The following UHRF2 variants were observed in gnomAD, a reference collection of about 807,000 sequenced individuals.
UHRF2 encodes E3 ubiquitin-protein ligase UHRF2.
A neutral mutation model predicts 96.8 loss-of-function variants in UHRF2; 23 were observed. The ratio of observed to expected loss-of-function variants is 0.24; its 90% CI spans 0.17 to 0.34. UHRF2 has a LOEUF of 0.34. UHRF2 is among the 10% of genes least tolerant of loss of function. The probability of loss-of-function intolerance (pLI) is 1.00; values close to 1 mark genes in which losing one functional copy is unlikely to be tolerated. For synonymous variants in UHRF2, 385 were observed against 332.6 expected, an observed-to-expected ratio of 1.16 and a Z score of -1.72; for missense variants, 685 against 981.5, an observed-to-expected ratio of 0.70 and a Z score of 4.04.
At chr9:6,497,007 A>G in intron 10 of UHRF2, 191 bp from the exon 11 acceptor site, 2 of 540,680 alleles carry the variant, frequency 3.7e-6, no homozygotes, top group Non-Finnish European at 6.3e-6. Flanking sequence ...CTTGGGGGTG[A>G]CATCAGAAAA....
chr9:6,465,312 C>T (rs942998755), intron 4 of UHRF2, among the ~76,000 whole-genome samples: 13 of 152,174 alleles, frequency 8.5e-5, no homozygotes, highest in Admixed American at 6.5e-5. Context: ...CAGTGTCCTT[C>T]ACGGATTTAT....
intron 4 of UHRF2, among the ~76,000 whole-genome samples, chr9:6,464,093 A>C (rs1822720452): frequency 6.6e-6 from 1 of 152,196 alleles, no homozygotes; most frequent in Admixed American, 6.5e-5. Context: ...TAGTTTTCTC[A>C]TCCATGCTTA....
chr9:6,490,379 G>C (rs993012224), intron 9 of UHRF2, among the ~76,000 whole-genome samples: 2 of 152,192 alleles, frequency 1.3e-5, no homozygotes, highest in Admixed American at 1.3e-4. Context: ...TGTAATCTCA[G>C]CACTTTCGGA....
At chr9:6,466,864 A>G (rs1000106101) in intron 4 of UHRF2, among the ~76,000 whole-genome samples, 2 of 152,182 alleles carry the variant, frequency 1.3e-5, no homozygotes, top group African/African-American at 4.8e-5. Flanking sequence ...CTCTTATTTC[A>G]GTTCTCTGCT....
At chr9:6,490,794 A>G (rs1824612208) in intron 9 of UHRF2, among the ~76,000 whole-genome samples, 1 of 152,218 alleles carries the variant, frequency 6.6e-6, no homozygotes, top group Non-Finnish European at 1.5e-5. Context: ...GAAAAATTTT[A>G]GGACTAAGAT....
intron 3 of UHRF2, among the ~76,000 whole-genome samples, chr9:6,458,828 C>T (rs573843178): frequency 1.7e-4 from 26 of 152,140 alleles, no homozygotes; most frequent in African/African-American, 5.5e-4. Context: ...AAATGCCCGT[C>T]GATGATAGAC....
chr9:6,431,852 A>G (rs1820578254), intron 2 of UHRF2, among the ~76,000 whole-genome samples: 2 of 152,158 alleles, frequency 1.3e-5, no homozygotes, highest in African/African-American at 4.8e-5. Flanking sequence ...GATATAGCTT[A>G]ATGTGTTTTT....
chr9:6,430,910 A>T (rs1820530879), intron 2 of UHRF2, among the ~76,000 whole-genome samples: 1 of 152,196 alleles, frequency 6.6e-6, no homozygotes, highest in Admixed American at 6.5e-5. Context: ...TAGTTACATC[A>T]ATAAATTAAA....
At chr9:6,463,471 A>ATT (rs774722072) in intron 4 of UHRF2, among the ~76,000 whole-genome samples, 11 of 145,014 alleles carry the variant, frequency 7.6e-5, no homozygotes, top group African/African-American at 2.0e-4. Context: ...TATGGATAGA[A>ATT]TTTTTTTTTT....
intron 4 of UHRF2, among the ~76,000 whole-genome samples, chr9:6,472,243 A>G (rs1187603864): frequency 1.3e-5 from 2 of 152,234 alleles, no homozygotes; most frequent in East Asian, 1.9e-4. Flanking sequence ...TGTGTACTCT[A>G]GCTGCTAGCA....
chr9:6,433,658 C>T (rs546774885), intron 2 of UHRF2, among the ~76,000 whole-genome samples: 7 of 152,176 alleles, frequency 4.6e-5, no homozygotes, highest in Admixed American at 6.5e-5. Flanking sequence ...CTAGTGTATA[C>T]GTCAGTAAGG....
At chr9:6,479,404 T>G (rs953761581) in intron 6 of UHRF2, among the ~76,000 whole-genome samples, 3 of 152,118 alleles carry the variant, frequency 2.0e-5, no homozygotes. Flanking sequence ...CACTGGCCTT[T>G]CCTTCTTAGT....
chr9:6,464,319 A>G (rs1015887705), intron 4 of UHRF2, among the ~76,000 whole-genome samples: 1 of 152,136 alleles, frequency 6.6e-6, no homozygotes, highest in African/African-American at 2.4e-5. Context: ...TAGGAGTTCT[A>G]ATTACGGAGA....
intron 8 of UHRF2, among the ~76,000 whole-genome samples, chr9:6,484,097 G>A (rs1824099574): frequency 6.7e-6 from 1 of 148,490 alleles, no homozygotes; most frequent in Admixed American, 6.7e-5. Context: ...TTAAGAGACA[G>A]GGTCTTGCTC....
chr9:6,504,795 G>A (rs1198723008), intron 15 of UHRF2, 104 bp downstream of exon 15: 6 of 820,620 alleles, frequency 7.3e-6, no homozygotes, highest in African/African-American at 3.5e-5. Context: ...AAGCGGGATA[G>A]TTGCGGAACC....
chr9:6,498,258 G>A (rs1208764792), intron 12 of UHRF2, 100 bp downstream of exon 12: 1 of 1,291,108 alleles, frequency 7.7e-7, no homozygotes, highest in Non-Finnish European at 1.0e-6. Flanking sequence ...GCAATTGACT[G>A]GTGGACTATA....
chr9:6,427,000 G>T (rs570133552), intron 2 of UHRF2, among the ~76,000 whole-genome samples: 98 of 152,236 alleles, frequency 6.4e-4, no homozygotes, highest in African/African-American at 2.1e-3. Context: ...CACCTGCCTC[G>T]GCCTCCCAAA....
At chr9:6,505,971 GT>G in intron 15 of UHRF2, 61 bp from the exon 16 acceptor site, 3 of 1,562,970 alleles carry the variant, frequency 1.9e-6, no homozygotes, top group South Asian at 2.3e-5. Flanking sequence ...AAAAGCATAA[GT>G]TGCTGAGTAC....
chr9:6,459,531 T>C lies in UHRF2; in HGVS notation c.645-1042T>C, dbSNP rs542654345. ...TAAAAATTCAAAAATTAACCAGGAG[T>C]GGTGGCACATGCCTGTAATCCCAGC... On this transcript the variant is annotated intron_variant, in intron 3 of 15. Coordinates refer to ENST00000276893, the MANE Select transcript of UHRF2 (RefSeq NM_152896.3). Among the ~76,000 whole-genome samples, 10 of 151,464 alleles carry C rather than the reference T, an allele frequency of 6.6e-5. No individual in the cohort carries two copies. In the South Asian group the frequency reaches 1.0e-3, roughly 16 times the overall value.
Sources: allele counts gnomAD v4.1 joint callset (sites outside exome capture counted in the v4.1 genomes callset), GRCh38; gene constraint gnomAD v4.1.1; transcripts MANE v1.5; gene names NCBI Gene and HGNC (gene_info 2026-07-23, HGNC 2026-07-21).